Variants in RIMS2 observed in about 807,000 individuals in gnomAD.
The protein encoded by RIMS2 is regulating synaptic membrane exocytosis protein 2.
A neutral mutation model predicts 174.4 loss-of-function variants in RIMS2; 59 were observed. The ratio of observed to expected loss-of-function variants is 0.34; its 90% CI spans 0.27 to 0.42. RIMS2 has a LOEUF of 0.42. Ranked by LOEUF, RIMS2 falls within the 10% of genes least tolerant of loss-of-function variation. The pLI is 1.00. For missense variants in RIMS2, 1,620 were observed against 1,666.3 expected (o/e 0.97, Z 0.48); for synonymous variants, 606 against 572.5 (o/e 1.06, Z -0.84).
intron 13 of RIMS2, among the ~76,000 whole-genome samples, chr8:103,939,984 A>G (rs2154537356): frequency 6.6e-6 from 1 of 152,264 alleles, no homozygotes; most frequent in Admixed American, 6.5e-5. Context: ...TCATTCAACA[A>G]GTCTCTAGGA....
chr8:103,996,533 T>G (rs1210529115), intron 17 of RIMS2, among the ~76,000 whole-genome samples: 1 of 151,888 alleles, frequency 6.6e-6, no homozygotes, highest in Non-Finnish European at 1.5e-5. Flanking sequence ...AAAGAATGTG[T>G]TGGAATATAA....
chr8:104,163,271 CATATAAACTTTTAGTATAACAGT>C (rs1437099911), intron 19 of RIMS2, among the ~76,000 whole-genome samples: 1 of 151,988 alleles, frequency 6.6e-6, no homozygotes, highest in Non-Finnish European at 1.5e-5. Context: ...TATTCACTGC[CATATAAACTTTTAGTATAACAGT>C]ATATTATTAT....
intron 9 of RIMS2, chr8:103,920,562 A>G (rs1037233916): frequency 2.3e-6 from 1 of 435,326 alleles, no homozygotes; most frequent in South Asian, 1.7e-5. Flanking sequence ...AATTTCCAAC[A>G]CTAGTCTCTA....
intron 1 of RIMS2, among the ~76,000 whole-genome samples, chr8:103,587,266 C>T (rs1315202088): frequency 6.6e-6 from 1 of 151,878 alleles, no homozygotes; most frequent in Non-Finnish European, 1.5e-5. Flanking sequence ...CTGCCGAATT[C>T]TACCAAACAT....
At chr8:104,012,354 C>CT (rs56206546) in intron 17 of RIMS2, among the ~76,000 whole-genome samples, 58 of 139,006 alleles carry the variant, frequency 4.2e-4, no homozygotes, top group Admixed American at 7.3e-4. Flanking sequence ...TCCTTTTTTT[C>CT]TTTTTTTTTT....
At chr8:103,848,575 T>A (rs1005912693) in intron 3 of RIMS2, among the ~76,000 whole-genome samples, 3 of 151,970 alleles carry the variant, frequency 2.0e-5, no homozygotes, top group African/African-American at 7.2e-5. Context: ...CTTGAAGTCT[T>A]GAGATCAGAT....
In RIMS2 at chr8:103,756,040, T is replaced by C. The variant is rs538019517; in HGVS notation, c.388-10187T>C. ...TTTAGAATTTTCAGCTTTTCTGCTC[T>C]GGTTTCTCCCCATCTTTGTGGTTTT... is the stretch of plus-strand genomic sequence containing the variant. On this transcript the variant is annotated intron_variant, in intron 2 of 23. Transcript: ENST00000504942. Among the ~76,000 whole-genome samples, 3 of 152,358 alleles carry C rather than the reference T, an allele frequency of 2.0e-5. No individual in the cohort carries two copies. The South Asian group carries it at 6.2e-4, about 32-fold the overall frequency.
At chr8:103,646,742 A>G (rs2096341710) in intron 1 of RIMS2, among the ~76,000 whole-genome samples, 1 of 151,868 alleles carries the variant, frequency 6.6e-6, no homozygotes, top group Non-Finnish European at 1.5e-5. Flanking sequence ...GGCTGAGACA[A>G]TGGGGTTTTC....
intron 19 of RIMS2, among the ~76,000 whole-genome samples, chr8:104,231,795 A>G (rs1022027317): frequency 7.9e-5 from 12 of 152,222 alleles, no homozygotes; most frequent in African/African-American, 2.9e-4. Flanking sequence ...AATATGTGCT[A>G]TCTACTACAT....
At chr8:103,870,394 C>T (rs528843898) in intron 3 of RIMS2, among the ~76,000 whole-genome samples, 7 of 151,702 alleles carry the variant, frequency 4.6e-5, no homozygotes, top group Admixed American at 4.6e-4. Flanking sequence ...ACCACCACCA[C>T]CACCACTACA....
At position 103,668,463 on chromosome 8, in the gene RIMS2, C is replaced by A. The variant is rs533815559; in HGVS notation, c.177-28623C>A. Among the ~76,000 whole-genome samples, 40 of 152,182 alleles carry A rather than the reference C, an allele frequency of 2.6e-4. No homozygotes were observed. The South Asian group carries it at 7.9e-3, about 30-fold the overall frequency. On this transcript the variant is annotated intron_variant, in intron 1 of 23. Coordinates refer to ENST00000504942, the Ensembl canonical transcript of RIMS2. ...ATTGAAAACAACAATGGAATGAAAT[C>A]TTTCTATGTTCAAATGGCCAATCAG...
intron 10 of RIMS2, 63 bp downstream of exon 13, chr8:103,921,847 G>A (rs781119930): frequency 1.5e-6 from 1 of 673,886 alleles, no homozygotes; most frequent in South Asian, 1.8e-5. Context: ...AAAATATGAT[G>A]CTTGTTTTTT....
intron 1 of RIMS2, among the ~76,000 whole-genome samples, chr8:103,691,269 C>T (rs926584826): frequency 6.6e-6 from 1 of 152,058 alleles, no homozygotes; most frequent in Non-Finnish European, 1.5e-5. Flanking sequence ...TCCCTTCGAA[C>T]GAACTTTTAC....
intron 2 of RIMS2, among the ~76,000 whole-genome samples, chr8:103,738,245 T>C (rs2097712906): frequency 6.6e-6 from 1 of 152,198 alleles, no homozygotes; most frequent in Non-Finnish European, 1.5e-5. Flanking sequence ...AGTTATTGTA[T>C]AACATATTAT....
intron 19 of RIMS2, among the ~76,000 whole-genome samples, chr8:104,243,845 G>A (rs758562955): frequency 4.6e-5 from 7 of 152,142 alleles, no homozygotes; most frequent in Non-Finnish European, 7.3e-5. Flanking sequence ...TCGAGCTTTG[G>A]TAGCCTCTCA....
chr8:104,254,571 A>G (rs1218117287), downstream of RIMS2: 1 of 152,208 alleles, frequency 6.6e-6, no homozygotes, highest in African/African-American at 2.4e-5. Flanking sequence ...TGGTCTTAGC[A>G]GCGGCCCTCA....
At chr8:103,654,081 A>G (rs1820440) in intron 1 of RIMS2, among the ~76,000 whole-genome samples, 73 of 152,156 alleles carry the variant, frequency 4.8e-4, no homozygotes, top group Middle Eastern at 3.4e-3. Context: ...CTTTTTCACT[A>G]TGGCACTGAA....
At chr8:104,017,399 T>C (rs1391782416) in intron 19 of RIMS2, among the ~76,000 whole-genome samples, 2 of 152,124 alleles carry the variant, frequency 1.3e-5, no homozygotes, top group South Asian at 4.2e-4. Context: ...TTTGATTATT[T>C]TATATTTTAG....
intron 3 of RIMS2, among the ~76,000 whole-genome samples, chr8:103,828,781 A>C (rs2098807120): frequency 6.6e-6 from 1 of 152,026 alleles, no homozygotes; most frequent in Non-Finnish European, 1.5e-5. Context: ...TCTTCTGCAT[A>C]TGGCTAGCCA....
Sources: allele counts gnomAD v4.1 joint callset (sites outside exome capture counted in the v4.1 genomes callset), GRCh38; gene constraint gnomAD v4.1.1; transcripts MANE v1.5; gene names NCBI Gene and HGNC (gene_info 2026-07-23, HGNC 2026-07-21).